The following ACOT12 variants were observed in gnomAD, a reference collection of about 807,000 sequenced individuals.
ACOT12 encodes acetyl-coenzyme A thioesterase.
Under a neutral mutation model 67.7 loss-of-function variants are expected in ACOT12, and 51 were observed. The ratio of observed to expected loss-of-function variants is 0.75; its 90% CI spans 0.60 to 0.95. ACOT12 has a LOEUF of 0.95. ACOT12 is among the 40% of genes least tolerant of loss of function. The probability of loss-of-function intolerance (pLI) is 0.00; values close to 1 mark genes in which losing one functional copy is unlikely to be tolerated. For missense variants in ACOT12, 734 were observed against 708.1 expected (o/e 1.04, Z -0.41); for synonymous variants, 251 against 244.6 (o/e 1.03, Z -0.24).
In ACOT12 at chr5:81,386,020, G is replaced by A. The variant is rs866263600; in HGVS notation, c.128-194C>T. 2.0e-5 allele frequency among the ~76,000 whole-genome samples: 3 copies of A among 152,192 alleles called. No individual in the cohort carries two copies. The South Asian group carries it at 6.2e-4, about 31-fold the overall frequency. On this transcript the variant is annotated intron_variant, in intron 1 of 14. Transcript: ENST00000307624. ...TTGCTCTGTGAGTTATATTTCTAAT[G>A]TATGGTAATTACTGCACTTTTTATC...
the ACOT12 span, among the ~76,000 whole-genome samples, chr5:81,324,482 C>G: frequency 6.6e-6 from 1 of 152,116 alleles, no homozygotes; most frequent in African/African-American, 2.4e-5. Context: ...CTTAAGTATA[C>G]AAGCATGAAG....
intron 11 of ACOT12, among the ~76,000 whole-genome samples, chr5:81,340,506 C>T (rs538056940): frequency 2.8e-4 from 42 of 152,046 alleles, no homozygotes; most frequent in Admixed American, 6.6e-4. Flanking sequence ...GGATTACAGG[C>T]GCCTGCCACT....
At chr5:81,361,218 C>CTTT (rs113814402) in intron 4 of ACOT12, among the ~76,000 whole-genome samples, 16 of 142,300 alleles carry the variant, frequency 1.1e-4, no homozygotes, top group Middle Eastern at 3.6e-3. Context: ...GGTTTAACTC[C>CTTT]TTTTTTTTTT....
the ACOT12 span, among the ~76,000 whole-genome samples, chr5:81,323,920 G>T: frequency 7.1e-6 from 1 of 140,746 alleles, no homozygotes; most frequent in Non-Finnish European, 1.6e-5. Context: ...GTATATATAC[G>T]TGTATATATA....
At chr5:81,349,109 T>C (rs960323902) in intron 5 of ACOT12, among the ~76,000 whole-genome samples, 1 of 152,170 alleles carries the variant, frequency 6.6e-6, no homozygotes, top group Non-Finnish European at 1.5e-5. Flanking sequence ...GAGCTTGCAG[T>C]GTGAGAGGGA....
At chr5:81,360,427 A>C (rs1195785509) in intron 4 of ACOT12, among the ~76,000 whole-genome samples, 1 of 148,558 alleles carries the variant, frequency 6.7e-6, no homozygotes, top group East Asian at 1.9e-4. Context: ...AGAGGGAATA[A>C]ATTTTGCAAA....
In ACOT12 at chr5:81,340,806, T is replaced by G. The variant is rs1008387773; in HGVS notation, c.1128+1866A>C. ...AGAGGAGGAAAACTCTTCAAAAACA[T>G]CTTTTATCAGATTTTTAAAATCAGA... On this transcript the variant is annotated intron_variant, in intron 11 of 14. Transcript: ENST00000307624. Among the ~76,000 whole-genome samples, 3 of 152,346 alleles carry G rather than the reference T, an allele frequency of 2.0e-5. No homozygotes were observed. In the South Asian group the frequency reaches 6.2e-4, roughly 32 times the overall value.
rs1391273434 is a variant in ACOT12, at chr5:81,345,804, A to T, written c.773+81T>A. 10 of 1,568,432 alleles carry T rather than the reference A, an allele frequency of 6.4e-6. No individual in the cohort carries two copies. In the Admixed American group the frequency reaches 1.7e-4, roughly 27 times the overall value. ...ATGGAATTTCACTAAAGTAGTTCCC[A>T]TACTCACCTCCAGGCTGAAATTAAA... is the stretch of plus-strand genomic sequence containing the variant. On this transcript the variant is annotated intron_variant, in intron 7 of 14. Coordinates refer to ENST00000307624, the MANE Select transcript of ACOT12 (RefSeq NM_130767.3).
chr5:81,357,183 C>T (rs186154564), intron 5 of ACOT12, among the ~76,000 whole-genome samples: 145 of 152,252 alleles, frequency 9.5e-4, no homozygotes, highest in Non-Finnish European at 1.8e-3. Flanking sequence ...GCGAGTCTCT[C>T]GTGAACCCTG....
chr5:81,381,203 A>G (rs1760574177), intron 2 of ACOT12, among the ~76,000 whole-genome samples: 1 of 151,972 alleles, frequency 6.6e-6, no homozygotes, highest in Non-Finnish European at 1.5e-5. Context: ...AATAGCTGGG[A>G]TTACAGGCGC....
chr5:81,364,896 A>G (rs1040735057), intron 3 of ACOT12, among the ~76,000 whole-genome samples: 1 of 152,030 alleles, frequency 6.6e-6, no homozygotes, highest in Non-Finnish European at 1.5e-5. Flanking sequence ...CTTTTTTTAA[A>G]TGTCTCTAGG....
At chr5:81,310,486 AAG>A in the ACOT12 span, among the ~76,000 whole-genome samples, 1 of 152,320 alleles carries the variant, frequency 6.6e-6, no homozygotes, top group East Asian at 1.9e-4. Context: ...GGAAAAAAAA[AAG>A]AAAATTCAGC....
chr5:81,311,344 C>A, the ACOT12 span: 1 of 1,499,796 alleles, frequency 6.7e-7, no homozygotes, highest in Non-Finnish European at 9.3e-7. Flanking sequence ...TTATTCTGCA[C>A]TTGTTATTAA....
the ACOT12 span, chr5:81,312,502 T>C: frequency 6.7e-7 from 1 of 1,496,880 alleles, no homozygotes. Context: ...ATGCATTTGA[T>C]TACTGTTTTT....
intron 5 of ACOT12, among the ~76,000 whole-genome samples, chr5:81,349,585 G>A (rs577490259): frequency 2.0e-5 from 3 of 152,104 alleles, no homozygotes; most frequent in Admixed American, 6.6e-5. Context: ...GACCTCCACA[G>A]CTCAGCCCCA....
the ACOT12 span, among the ~76,000 whole-genome samples, chr5:81,320,743 C>T: frequency 1.3e-5 from 2 of 152,174 alleles, no homozygotes; most frequent in African/African-American, 4.8e-5. Flanking sequence ...ATCCTGCAAA[C>T]ATTTCAGGTT....
intron 9 of ACOT12, 35 bp from the exon 10 acceptor site, chr5:81,343,916 T>C (rs1260824245): frequency 1.3e-6 from 2 of 1,578,304 alleles, no homozygotes; most frequent in Non-Finnish European, 1.7e-6. Context: ...AATGACAGTT[T>C]TTTTCTCTGC....
intron 6 of ACOT12, among the ~76,000 whole-genome samples, chr5:81,346,293 T>C (rs1759379889): frequency 6.6e-6 from 1 of 152,204 alleles, no homozygotes; most frequent in African/African-American, 2.4e-5. Context: ...AACCAATGCT[T>C]TTTGTTCTAA....
intron 2 of ACOT12, among the ~76,000 whole-genome samples, chr5:81,373,438 G>A (rs188025160): frequency 2.8e-4 from 42 of 152,292 alleles, no homozygotes; most frequent in Admixed American, 2.3e-3. Flanking sequence ...AAAACTGGGC[G>A]GCCATTTGGG....
Sources: gnomAD v4.1 joint callset for allele counts (sites outside exome capture counted in the v4.1 genomes callset) on GRCh38, gnomAD v4.1.1 for gene constraint, MANE v1.5 for transcripts, NCBI Gene and HGNC (gene_info 2026-07-23, HGNC 2026-07-21) for gene names.